The following ROBO1 variants were observed in gnomAD, a reference collection of about 807,000 sequenced individuals.
ROBO1 encodes roundabout guidance receptor 1, also known as roundabout homolog 1.
A neutral mutation model predicts 195.9 loss-of-function variants in ROBO1; 149 were observed. That is an observed-to-expected ratio of 0.76 (90% confidence interval 0.67 to 0.87). ROBO1 has a LOEUF of 0.87. Among genes scored for constraint, ROBO1 ranks in the 40% least tolerant of loss-of-function variants. The probability of loss-of-function intolerance (pLI) is 0.00; values close to 1 mark genes in which losing one functional copy is unlikely to be tolerated. For synonymous variants in ROBO1, 816 were observed against 733.2 expected, an observed-to-expected ratio of 1.11 and a Z score of -1.82; for missense variants, 1,933 against 2,068.3, an observed-to-expected ratio of 0.93 and a Z score of 1.27.
At chr3:79,208,213 CCTCCCCA>C (rs1476385214) in intron 2 of ROBO1, among the ~76,000 whole-genome samples, 2 of 152,116 alleles carry the variant, frequency 1.3e-5, no homozygotes, top group African/African-American at 2.4e-5. Context: ...GGTTACGTGT[CCTCCCCA>C]CTCATAAGTT....
chr3:79,642,008 G>A (rs1377665359), intron 1 of ROBO1, among the ~76,000 whole-genome samples: 1 of 152,118 alleles, frequency 6.6e-6, no homozygotes, highest in East Asian at 1.9e-4. Flanking sequence ...GACAGAGTGA[G>A]AGACTGTTTT....
intron 8 of ROBO1, among the ~76,000 whole-genome samples, chr3:78,702,565 AT>A (rs2081444697): frequency 6.6e-6 from 1 of 152,230 alleles, no homozygotes; most frequent in Non-Finnish European, 1.5e-5. Flanking sequence ...TAAAATGAAC[AT>A]TTTAAAATGT....
intron 10 of ROBO1, among the ~76,000 whole-genome samples, chr3:78,681,123 A>G (rs1490724212): frequency 1.3e-5 from 2 of 151,230 alleles, no homozygotes; most frequent in Non-Finnish European, 3.0e-5. Context: ...CACAGGTGGG[A>G]ATTGAACAAT....
At chr3:79,065,492 G>A (rs1384126164) in intron 3 of ROBO1, among the ~76,000 whole-genome samples, 2 of 151,946 alleles carry the variant, frequency 1.3e-5, no homozygotes, top group Non-Finnish European at 2.9e-5. Flanking sequence ...AAAAGCGGTG[G>A]AGTTTAGGGC....
chr3:79,415,171 T>C (rs2037947015), intron 2 of ROBO1, among the ~76,000 whole-genome samples: 1 of 152,176 alleles, frequency 6.6e-6, no homozygotes, highest in African/African-American at 2.4e-5. Context: ...AAATATTTTC[T>C]GAGCACCTAA....
At chr3:78,756,266 C>A (rs1453192866) in intron 4 of ROBO1, among the ~76,000 whole-genome samples, 3 of 151,952 alleles carry the variant, frequency 2.0e-5, no homozygotes, top group Admixed American at 2.0e-4. Context: ...TAACTCAAAA[C>A]GTGGGTCATT....
rs149701596 is a variant in ROBO1 at position 79,733,426 on chromosome 3, C to T, written c.-51+34326G>A. 1.4e-3 allele frequency among the ~76,000 whole-genome samples: 207 copies of T among 152,214 alleles called. 1 individual carries two copies. The highest frequency in any genetic ancestry group is 4.9e-3 in the African/African-American group (203 of 41,530). On this transcript the variant is annotated intron_variant, in intron 1 of 30. Transcript: ENST00000464233. ...TGAGAAAAATTCAAATACTGAGTAA[C>T]CTGGAAGAAAGCTCCACAAACTCAC... is the stretch of plus-strand genomic sequence containing the variant.
At chr3:78,662,236 G>A in intron 14 of ROBO1, 122 bp from the exon 15 acceptor site, 2 of 700,710 alleles carry the variant, frequency 2.9e-6, no homozygotes, top group East Asian at 3.5e-5. Context: ...AAGCCAGGCT[G>A]TGATTCGGAA....
chr3:79,553,724 C>A (rs894946705), intron 2 of ROBO1, among the ~76,000 whole-genome samples: 1 of 152,028 alleles, frequency 6.6e-6, no homozygotes, highest in Non-Finnish European at 1.5e-5. Context: ...GTAATGGGTG[C>A]TATCAGCACA....
intron 1 of ROBO1, among the ~76,000 whole-genome samples, chr3:79,690,197 CAT>C (rs1266234748): frequency 6.6e-6 from 1 of 151,890 alleles, no homozygotes; most frequent in Non-Finnish European, 1.5e-5. Flanking sequence ...TATACTACCT[CAT>C]ATGGAAAAAA....
chr3:78,879,843 G>A (rs774858869), intron 4 of ROBO1, among the ~76,000 whole-genome samples: 3 of 152,080 alleles, frequency 2.0e-5, no homozygotes, highest in South Asian at 4.1e-4. Flanking sequence ...GTTTAAATAA[G>A]TTCAAACAGC....
chr3:79,637,371 A>C (rs539909670), intron 1 of ROBO1, among the ~76,000 whole-genome samples: 1 of 138,584 alleles, frequency 7.2e-6, no homozygotes, highest in African/African-American at 2.7e-5. Flanking sequence ...TTATACTTTC[A>C]TTTTATAAGT....
intron 2 of ROBO1, among the ~76,000 whole-genome samples, chr3:79,386,851 G>A (rs1191950074): frequency 6.6e-6 from 1 of 151,994 alleles, no homozygotes; most frequent in East Asian, 1.9e-4. Flanking sequence ...CTGATGCAGT[G>A]GGGCATTGAA....
intron 1 of ROBO1, among the ~76,000 whole-genome samples, chr3:79,631,637 T>C (rs1319902550): frequency 6.6e-6 from 1 of 151,964 alleles, no homozygotes; most frequent in Non-Finnish European, 1.5e-5. Context: ...AGACAAGTGG[T>C]ACTCAATTAC....
At chr3:78,674,279 T>C (rs1251827413) in intron 10 of ROBO1, among the ~76,000 whole-genome samples, 4 of 152,210 alleles carry the variant, frequency 2.6e-5, no homozygotes, top group African/African-American at 9.6e-5. Flanking sequence ...CTGCTACTTC[T>C]GTGCTTCATG....
intron 1 of ROBO1, among the ~76,000 whole-genome samples, chr3:79,631,673 G>T (rs1347539498): frequency 6.6e-6 from 1 of 151,864 alleles, no homozygotes; most frequent in African/African-American, 2.4e-5. Flanking sequence ...CACAGCAAAA[G>T]AAATAATCAA....
At chr3:78,788,129 C>G (rs747209303) in intron 4 of ROBO1, among the ~76,000 whole-genome samples, 77 of 144,550 alleles carry the variant, frequency 5.3e-4, no homozygotes, top group Non-Finnish European at 9.4e-4. Context: ...ATTTTTTTTT[C>G]TTTTGAGACG....
intron 2 of ROBO1, among the ~76,000 whole-genome samples, chr3:79,341,927 T>A (rs1307799670): frequency 1.3e-5 from 2 of 152,178 alleles, no homozygotes. Flanking sequence ...AATGAGTAAG[T>A]GGAAAATTTT....
chr3:79,134,359 A>C (rs1263925807), intron 2 of ROBO1, among the ~76,000 whole-genome samples: 2 of 112,226 alleles, frequency 1.8e-5, no homozygotes, highest in African/African-American at 7.1e-5. Flanking sequence ...CACCAGTTAG[A>C]ATGGCAATCA....
Sources: allele counts gnomAD v4.1 joint callset (sites outside exome capture counted in the v4.1 genomes callset), GRCh38; gene constraint gnomAD v4.1.1; transcripts MANE v1.5; gene names NCBI Gene and HGNC (gene_info 2026-07-23, HGNC 2026-07-21).